Variants in KAZN observed in about 807,000 individuals in gnomAD.
The protein encoded by KAZN is kazrin.
Under a neutral mutation model 87.4 loss-of-function variants are expected in KAZN, and 40 were observed. The ratio of observed to expected loss-of-function variants is 0.46; its 90% CI spans 0.36 to 0.60. The LOEUF (loss-of-function observed/expected upper bound fraction) is 0.60, where lower values mean the gene tolerates loss of function less well. Ranked by LOEUF, KAZN falls within the 20% of genes least tolerant of loss-of-function variation. The pLI is 0.00. For missense variants in KAZN, 898 were observed against 1,073.9 expected (o/e 0.84, Z 2.29); for synonymous variants, 466 against 458.3 (o/e 1.02, Z -0.22).
At chr1:15,030,580 G>A (rs937653741) in intron 2 of KAZN, among the ~76,000 whole-genome samples, 4 of 152,184 alleles carry the variant, frequency 2.6e-5, no homozygotes, top group East Asian at 3.9e-4. Context: ...TAGATGTTGG[G>A]TCATCTTAAT....
chr1:14,615,366 A>G (rs1417077020), intron 1 of KAZN, among the ~76,000 whole-genome samples: 1 of 152,090 alleles, frequency 6.6e-6, no homozygotes, highest in Non-Finnish European at 1.5e-5. Context: ...GGCGCTCAAC[A>G]CCTGTAATCC....
At chr1:14,313,697 T>C (rs1655458832) in intron 2 of KAZN, among the ~76,000 whole-genome samples, 1 of 152,152 alleles carries the variant, frequency 6.6e-6, no homozygotes, top group South Asian at 2.1e-4. Flanking sequence ...GAAAGAAGGT[T>C]ATCATCTAGA....
At chr1:14,385,437 C>G (rs1428902394) in intron 2 of KAZN, among the ~76,000 whole-genome samples, 1 of 152,152 alleles carries the variant, frequency 6.6e-6, no homozygotes, top group East Asian at 1.9e-4. Flanking sequence ...CCTGCTTTCT[C>G]TTGTGGGCAT....
At chr1:14,042,684 G>A (rs980901596) in intron 1 of KAZN, among the ~76,000 whole-genome samples, 2 of 152,104 alleles carry the variant, frequency 1.3e-5, no homozygotes, top group African/African-American at 4.8e-5. Flanking sequence ...AGTAGAAGGG[G>A]ACAGATATTT....
rs1639330110 is a variant in KAZN, at chr1:15,068,008, T to C, written c.1222+2255T>C. ...CTAAGAGTTACTAAAGGATGATTTA[T>C]TTAAGAGAACTACGTCAAATAGCGA... On this transcript the variant is annotated intron_variant, in intron 8 of 14. Transcript: ENST00000376030. The C allele has an allele frequency of 1.6e-5, 13 of 800,164 alleles. No homozygotes were observed. In the South Asian group the frequency reaches 7.6e-4, roughly 47 times the overall value. The allele number at this position is 800,164 out of a possible 1,614,324, so 49.6% of individuals were successfully genotyped here.
At chr1:14,893,384 A>C (rs1472888707) in intron 1 of KAZN, among the ~76,000 whole-genome samples, 3 of 152,124 alleles carry the variant, frequency 2.0e-5, no homozygotes, top group Admixed American at 1.3e-4. Flanking sequence ...AGAAAAAGAA[A>C]ATAGAAATGG....
chr1:15,065,830 G>C (rs536345798), intron 8 of KAZN, 77 bp downstream of exon 8: 3 of 1,583,468 alleles, frequency 1.9e-6, no homozygotes, highest in Non-Finnish European at 2.6e-6. Flanking sequence ...GCCCGCAGGC[G>C]TGTCTGTGCG....
Position 14,050,178 on chromosome 1 carries a change from G to A in KAZN, c.92-130257G>A, listed in dbSNP as rs78237815. ...CTTGTGCGCGTGTGTGGGTGTGTGC[G>A]CACATGTGTGTACACATATGTGCAC... On this transcript the variant is annotated intron_variant, in intron 1 of 16. Transcript: ENST00000636203. Among the ~76,000 whole-genome samples, 530 of 151,730 alleles carry A rather than the reference G, an allele frequency of 3.5e-3. 6 individuals carry two copies. The highest frequency in any genetic ancestry group is 2.3e-3 in the South Asian group (11 of 4,804).
chr1:14,686,597 G>A (rs1431673480), intron 1 of KAZN, among the ~76,000 whole-genome samples: 3 of 152,230 alleles, frequency 2.0e-5, no homozygotes, highest in Admixed American at 6.5e-5. Context: ...AGCAAAATCA[G>A]CCTGACCCTT....
At chr1:14,213,950 A>G (rs541215240) in intron 2 of KAZN, among the ~76,000 whole-genome samples, 1 of 152,310 alleles carries the variant, frequency 6.6e-6, no homozygotes, top group South Asian at 2.1e-4. Flanking sequence ...AGCAAATGGG[A>G]TGATGGAGGT....
chr1:13,966,454 T>C (rs191880979), intron 1 of KAZN, among the ~76,000 whole-genome samples: 222 of 152,320 alleles, frequency 1.5e-3, no homozygotes, highest in Non-Finnish European at 2.1e-3. Context: ...GCAGTCTTGA[T>C]GTGTGAAGCA....
At chr1:14,587,789 A>G (rs1417352756) in intron 2 of KAZN, among the ~76,000 whole-genome samples, 1 of 152,150 alleles carries the variant, frequency 6.6e-6, no homozygotes, top group Non-Finnish European at 1.5e-5. Context: ...TGAGGATTTC[A>G]TTTCGACATG....
intron 10 of KAZN, among the ~76,000 whole-genome samples, chr1:15,101,191 T>G (rs1199213906): frequency 6.6e-6 from 1 of 151,416 alleles, no homozygotes; most frequent in Non-Finnish European, 1.5e-5. Flanking sequence ...TCTCTCTGCC[T>G]CTTCCTCTTT....
intron 2 of KAZN, among the ~76,000 whole-genome samples, chr1:14,390,910 C>T (rs1206263305): frequency 6.6e-6 from 1 of 152,240 alleles, no homozygotes; most frequent in Non-Finnish European, 1.5e-5. Flanking sequence ...CAAATTTCAA[C>T]CTAAGTTTTG....
At chr1:13,987,165 T>G (rs772999956) in intron 1 of KAZN, among the ~76,000 whole-genome samples, 1 of 152,180 alleles carries the variant, frequency 6.6e-6, no homozygotes, top group Non-Finnish European at 1.5e-5. Flanking sequence ...GTTAATTTTT[T>G]TTTTAACTTT....
chr1:15,106,449 A>G (rs1641298518), intron 13 of KAZN, among the ~76,000 whole-genome samples: 2 of 152,206 alleles, frequency 1.3e-5, no homozygotes, highest in East Asian at 3.9e-4. Flanking sequence ...CTCTAGCTGA[A>G]TATTAGCAGG....
At chr1:14,944,227 TAAAAA>T (rs34463773) in intron 1 of KAZN, among the ~76,000 whole-genome samples, 5 of 127,636 alleles carry the variant, frequency 3.9e-5, no homozygotes, top group Admixed American at 8.0e-5. Context: ...CTCCCCCTCC[TAAAAA>T]AAAAAAAAAA....
At chr1:14,700,927 T>G (rs571925655) in intron 1 of KAZN, among the ~76,000 whole-genome samples, 2 of 152,308 alleles carry the variant, frequency 1.3e-5, no homozygotes, top group South Asian at 4.1e-4. Context: ...CTCCTGGCTC[T>G]GCTCTCAATG....
rs1042360976 is a variant in KAZN at position 14,367,883 on chromosome 1, C to A, written c.249+187291C>A. On this transcript the variant is annotated intron_variant, in intron 2 of 16. Coordinates refer to the KAZN transcript ENST00000636203. ...CTGCCTTCTCTCAGATCCTTGGAGACTTTTCAGTTTGATTGTATCTGAACC... is the reference window on the plus strand; with the variant it reads ...CTGCCTTCTCTCAGATCCTTGGAGAATTTTCAGTTTGATTGTATCTGAACC... 6.4e-4 allele frequency among the ~76,000 whole-genome samples: 98 copies of A among 152,154 alleles called. 1 individual carries two copies. The highest frequency in any genetic ancestry group is 1.3e-3 in the Non-Finnish European group (87 of 68,024).
Sources: gnomAD v4.1 joint callset for allele counts (sites outside exome capture counted in the v4.1 genomes callset) on GRCh38, gnomAD v4.1.1 for gene constraint, MANE v1.5 for transcripts, NCBI Gene and HGNC (gene_info 2026-07-23, HGNC 2026-07-21) for gene names.